Variants in SCFD2 observed in about 807,000 individuals in gnomAD.
SCFD2 encodes sec1 family domain containing 2.
SCFD2 carries 54 observed loss-of-function variants against 58.9 expected under a neutral mutation model. That is an observed-to-expected ratio of 0.92 (90% CI 0.74 to 1.15). SCFD2 has a LOEUF of 1.15. Ranked by LOEUF, SCFD2 falls within the 50% of genes most tolerant of loss-of-function variation. The pLI, the probability that SCFD2 is intolerant of heterozygous loss-of-function variation, is 0.00. For synonymous variants in SCFD2, 321 were observed against 335.9 expected, an observed-to-expected ratio of 0.96 and a Z score of 0.49; for missense variants, 805 against 836.6, an observed-to-expected ratio of 0.96 and a Z score of 0.47.
chr4:53,087,620 AC>A (rs1262961464), intron 5 of SCFD2, among the ~76,000 whole-genome samples: 1 of 150,468 alleles, frequency 6.6e-6, no homozygotes, highest in Non-Finnish European at 1.5e-5. Context: ...GGCGTGAGCC[AC>A]TGTGCCTGGC....
chr4:52,921,758 C>T (rs894364265), intron 5 of SCFD2, among the ~76,000 whole-genome samples: 2 of 152,150 alleles, frequency 1.3e-5, no homozygotes, highest in African/African-American at 2.4e-5. Flanking sequence ...CGACTGCTTC[C>T]TACCTCAGTA....
At chr4:53,109,497 A>G (rs1725104921) in intron 5 of SCFD2, among the ~76,000 whole-genome samples, 1 of 152,234 alleles carries the variant, frequency 6.6e-6, no homozygotes, top group Non-Finnish European at 1.5e-5. Context: ...AATCTCCTTA[A>G]GCTGATAAGC....
rs117282922 is a variant in SCFD2 at position 53,204,076 on chromosome 4, T to C, written c.1312-58494A>G. ...GGTACTCTTTGTGGGAATATGTCTA[T>C]TTCAAGAAGAAAGATCTAATACTGA... On this transcript the variant is annotated intron_variant, in intron 4 of 8. Transcript: ENST00000401642. Among the ~76,000 whole-genome samples the C allele has an allele frequency of 2.5e-4, 38 of 152,210 alleles. No homozygotes were observed. In the East Asian group the frequency reaches 7.1e-3, roughly 29 times the overall value.
intron 4 of SCFD2, among the ~76,000 whole-genome samples, chr4:53,155,812 A>G (rs1439368641): frequency 6.6e-6 from 1 of 152,232 alleles, no homozygotes; most frequent in Non-Finnish European, 1.5e-5. Flanking sequence ...GCAGTTTTCT[A>G]AGTTTGGTCC....
intron 1 of SCFD2, among the ~76,000 whole-genome samples, chr4:53,358,694 A>G (rs560501976): frequency 1.6e-4 from 24 of 152,320 alleles, no homozygotes; most frequent in African/African-American, 5.5e-4. Flanking sequence ...ACTCTAGCCA[A>G]TCTCAAGAGC....
intron 5 of SCFD2, among the ~76,000 whole-genome samples, chr4:53,103,861 AGAGCTCCCAATGGCC>A (rs1724905842): frequency 6.8e-6 from 1 of 147,814 alleles, no homozygotes. Flanking sequence ...TGCCACTGAA[AGAGCTCCCAATGGCC>A]AAAGCTGGAA....
intron 5 of SCFD2, among the ~76,000 whole-genome samples, chr4:52,931,811 T>C (rs1720002801): frequency 6.6e-6 from 1 of 152,342 alleles, no homozygotes; most frequent in Non-Finnish European, 1.5e-5. Context: ...GGCTGATCCC[T>C]CCTGCCCTCC....
At chr4:52,940,098 G>A (rs774800435) in intron 5 of SCFD2, among the ~76,000 whole-genome samples, 2 of 152,232 alleles carry the variant, frequency 1.3e-5, no homozygotes, top group Admixed American at 6.5e-5. Context: ...GCTGGGCTAC[G>A]ACTCTTGGTC....
At chr4:53,093,631 C>G (rs543426973) in intron 5 of SCFD2, among the ~76,000 whole-genome samples, 10 of 152,138 alleles carry the variant, frequency 6.6e-5, no homozygotes, top group African/African-American at 2.4e-4. Flanking sequence ...CAGAATACCA[C>G]GCAACCATAA....
At chr4:52,951,214 A>G (rs1720585163) in intron 5 of SCFD2, among the ~76,000 whole-genome samples, 2 of 152,172 alleles carry the variant, frequency 1.3e-5, no homozygotes, top group African/African-American at 4.8e-5. Flanking sequence ...CCAAAGAGCC[A>G]GCCATTCTGC....
chr4:53,233,503 T>C (rs1729503047), intron 4 of SCFD2, among the ~76,000 whole-genome samples: 1 of 152,232 alleles, frequency 6.6e-6, no homozygotes, highest in African/African-American at 2.4e-5. Flanking sequence ...AAACTTACTT[T>C]GCCTGATTAC....
rs191578035 is a variant in SCFD2, at chr4:53,099,461, G to C, written c.1561+45872C>G. Among the ~76,000 whole-genome samples the C allele has an allele frequency of 1.1e-3, 172 of 152,276 alleles. 2 individuals carry two copies. The highest frequency in any genetic ancestry group is 0.011 in the South Asian group (54 of 4,822). On this transcript the variant is annotated intron_variant, in intron 5 of 8. Transcript: ENST00000401642. ...TTGCTATGAAGGAATATCTAAGGCT[G>C]GGTAATTTATCAAGAAAAGAGGTTT...
intron 3 of SCFD2, among the ~76,000 whole-genome samples, chr4:53,304,462 A>C (rs950594656): frequency 5.3e-5 from 8 of 152,100 alleles, no homozygotes; most frequent in African/African-American, 1.4e-4. Context: ...TTTGAGGTAC[A>C]CCAATCAACT....
chr4:53,117,596 C>A (rs1353908865), intron 5 of SCFD2, among the ~76,000 whole-genome samples: 1 of 152,214 alleles, frequency 6.6e-6, no homozygotes, highest in Non-Finnish European at 1.5e-5. Flanking sequence ...TCCCATCCCA[C>A]CATCCACTGC....
At chr4:53,349,649 C>CT (rs1274472704) in intron 2 of SCFD2, among the ~76,000 whole-genome samples, 27 of 152,180 alleles carry the variant, frequency 1.8e-4, no homozygotes, top group Admixed American at 1.8e-3. Context: ...TAGCCTTGGT[C>CT]TAAGCTTGTA....
At chr4:53,023,870 C>T (rs1197857411) in intron 5 of SCFD2, among the ~76,000 whole-genome samples, 2 of 152,162 alleles carry the variant, frequency 1.3e-5, no homozygotes. Context: ...CACTGGATGA[C>T]ATACTCTTAC....
intron 7 of SCFD2, among the ~76,000 whole-genome samples, chr4:52,904,033 G>A (rs923204477): frequency 2.0e-5 from 3 of 152,164 alleles, no homozygotes; most frequent in African/African-American, 7.2e-5. Context: ...CACCCGCTGT[G>A]AGGGCACACA....
chr4:53,101,558 G>A (rs1724833070), intron 5 of SCFD2, among the ~76,000 whole-genome samples: 1 of 152,184 alleles, frequency 6.6e-6, no homozygotes, highest in South Asian at 2.1e-4. Flanking sequence ...AAAGAATGCA[G>A]TTGGTAGTGC....
In SCFD2 at chr4:52,906,766, A is replaced by C. The variant is rs150726196; in HGVS notation, c.1842+691T>G. On this transcript the variant is annotated intron_variant, in intron 7 of 8. Transcript: ENST00000401642. ...ATTTCAAAGATGCTTTGATGCTGGC[A>C]AAACATTCTGTTACTTCCAAGAGTT... 4.5e-3 allele frequency among the ~76,000 whole-genome samples: 684 copies of C among 152,368 alleles called. 3 individuals carry two copies. Among genetic ancestry groups the C allele is most frequent in the Non-Finnish European group, 6.9e-3 (467 of 68,042 alleles).
Sources: allele counts gnomAD v4.1 joint callset (sites outside exome capture counted in the v4.1 genomes callset), GRCh38; gene constraint gnomAD v4.1.1; transcripts MANE v1.5; gene names NCBI Gene and HGNC (gene_info 2026-07-23, HGNC 2026-07-21).